The following SCD5 variants were observed in gnomAD, a reference collection of about 807,000 sequenced individuals.
SCD5 encodes acyl-CoA-desaturase 4.
SCD5 carries 20 observed loss-of-function variants against 30.4 expected under a neutral mutation model. The observed-to-expected ratio is 0.66, with a 90% confidence interval of 0.46 to 0.96. The LOEUF (loss-of-function observed/expected upper bound fraction) is 0.96. SCD5 is among the 40% of genes least tolerant of loss of function. The pLI is 0.00. For missense variants in SCD5, 381 were observed against 443.3 expected, an observed-to-expected ratio of 0.86 and a Z score of 1.26; for synonymous variants, 173 against 176.4, an observed-to-expected ratio of 0.98 and a Z score of 0.16.
chr4:82,759,254 C>T (rs1721296168), intron 1 of SCD5, among the ~76,000 whole-genome samples: 1 of 152,206 alleles, frequency 6.6e-6, no homozygotes, highest in African/African-American at 2.4e-5. Flanking sequence ...TGGCGGGATG[C>T]AGGGCCTCAG....
chr4:82,730,475 T>C (rs1720612703), intron 1 of SCD5, among the ~76,000 whole-genome samples: 1 of 150,876 alleles, frequency 6.6e-6, no homozygotes, highest in Non-Finnish European at 1.5e-5. Context: ...TTTTTGTATT[T>C]TTAGTAGAAA....
intron 1 of SCD5, among the ~76,000 whole-genome samples, chr4:82,748,956 G>A (rs1257671262): frequency 6.6e-6 from 1 of 152,226 alleles, no homozygotes; most frequent in African/African-American, 2.4e-5. Flanking sequence ...AGTCTACTGT[G>A]TGGGAGGAAA....
chr4:82,657,137 G>A (rs369026922), intron 3 of SCD5, among the ~76,000 whole-genome samples: 37 of 152,196 alleles, frequency 2.4e-4, no homozygotes, highest in East Asian at 2.3e-3. Flanking sequence ...TTTCATTGCC[G>A]TTGCTTTTGG....
At chr4:82,722,528 C>A (rs949488411) in intron 1 of SCD5, among the ~76,000 whole-genome samples, 3 of 152,146 alleles carry the variant, frequency 2.0e-5, no homozygotes, top group African/African-American at 7.2e-5. Context: ...CTTTGGGAGA[C>A]CAAGGCAGGA....
rs35490627 is a variant in SCD5, at chr4:82,631,125, CAA to C, written c.*200_*201del. The C allele has an allele frequency of 4.9e-4, 203 of 416,834 alleles. 3 individuals are homozygous for C. The highest frequency in any genetic ancestry group is 3.9e-3 in the Middle Eastern group (6 of 1,548). 25.8% of individuals were successfully genotyped at this position (416,834 alleles called of 1,614,324 possible). On this transcript the variant is annotated 3_prime_UTR_variant, in exon 5 of 5. Transcript: ENST00000319540. The stretch of plus-strand genomic sequence containing the variant: ...GACTCTGTCTCAAAAACAAAACAAA[CAA>C]AAAAAAAAACGAAAGTTTTTTCATT...
At chr4:82,793,570 T>C (rs1373158503) in intron 1 of SCD5, among the ~76,000 whole-genome samples, 1 of 152,240 alleles carries the variant, frequency 6.6e-6, no homozygotes, top group Non-Finnish European at 1.5e-5. Context: ...GTGGAATTTA[T>C]TGCGCTGCCG....
In SCD5 at chr4:82,664,997, C is replaced by CTATATA. The variant is rs1434283229; in HGVS notation, c.569+15709_569+15710insTATATA. Among the ~76,000 whole-genome samples, 269 of 79,330 alleles carry CTATATA rather than the reference C, an allele frequency of 3.4e-3. 1 individual carries two copies. Among genetic ancestry groups the CTATATA allele is most frequent in the Middle Eastern group, 0.013 (2 of 160 alleles). 52.0% of individuals were successfully genotyped at this position (79,330 alleles called of 152,430 possible). On this transcript the variant is annotated intron_variant, in intron 3 of 4. Transcript: ENST00000319540. ...TCTCTCTCTCTCTCTCTCTCTCTCT[C>CTATATA]TCTATATATATATATATATATATGT...
intron 3 of SCD5, among the ~76,000 whole-genome samples, chr4:82,664,138 G>A (rs1025406679): frequency 3.9e-5 from 6 of 152,182 alleles, no homozygotes; most frequent in African/African-American, 4.8e-5. Context: ...GCTAAAAGCC[G>A]AGGGTACAGA....
intron 1 of SCD5, among the ~76,000 whole-genome samples, chr4:82,763,711 G>C (rs542060682): frequency 6.6e-6 from 1 of 152,224 alleles, no homozygotes; most frequent in African/African-American, 2.4e-5. Flanking sequence ...AGAGGCTTCC[G>C]AGCAAGCCAG....
rs762032612 is a variant in SCD5 at position 82,798,303 on chromosome 4, T to C, written c.232+3A>G. ...GGGCGCAGGGGGCGCCGGCGGGACT[T>C]ACCCCAGAGCAGAGTGAGTGGCTTG... On this transcript the variant is annotated splice_donor_region_variant and intron_variant, in intron 1 of 4. Coordinates refer to ENST00000319540, the MANE Select transcript of SCD5 (RefSeq NM_001037582.3). The C allele has an allele frequency of 4.7e-5, 74 of 1,572,052 alleles. No homozygotes were observed. The highest frequency in any genetic ancestry group is 6.3e-5 in the Non-Finnish European group (73 of 1,160,686).
At chr4:82,665,108 A>G (rs2135506) in intron 3 of SCD5, among the ~76,000 whole-genome samples, 43,919 of 136,990 alleles carry the variant, frequency 0.32, 8,183 homozygotes, top group African/African-American at 0.46. Context: ...GCATGGTGGT[A>G]TGTGCCTGTA....
chr4:82,631,841 T>TA (rs1294017637), intron 4 of SCD5, among the ~76,000 whole-genome samples: 3 of 152,192 alleles, frequency 2.0e-5, no homozygotes, highest in Non-Finnish European at 2.9e-5. Flanking sequence ...CAACTGTTTT[T>TA]AAAAAATAGT....
At chr4:82,738,474 C>T (rs1210832492) in intron 1 of SCD5, among the ~76,000 whole-genome samples, 3 of 152,106 alleles carry the variant, frequency 2.0e-5, no homozygotes, top group South Asian at 2.1e-4. Flanking sequence ...ATTTTTTTGC[C>T]TATAAGAAAG....
At chr4:82,720,660 G>C (rs1170645124) in intron 1 of SCD5, among the ~76,000 whole-genome samples, 1 of 152,046 alleles carries the variant, frequency 6.6e-6, no homozygotes, top group African/African-American at 2.4e-5. Context: ...ACCCTCTGTA[G>C]GTCCAGGTAC....
intron 1 of SCD5, among the ~76,000 whole-genome samples, chr4:82,772,707 T>C (rs1383941669): frequency 6.6e-6 from 1 of 152,186 alleles, no homozygotes; most frequent in Non-Finnish European, 1.5e-5. Context: ...GAAGCACCTC[T>C]TGTAGGACCC....
At chr4:82,735,306 C>A (rs1020117782) in intron 1 of SCD5, among the ~76,000 whole-genome samples, 2 of 152,118 alleles carry the variant, frequency 1.3e-5, no homozygotes, top group African/African-American at 4.8e-5. Context: ...CGTGTCTACA[C>A]GGTCCAGATC....
intron 1 of SCD5, among the ~76,000 whole-genome samples, chr4:82,778,341 T>C (rs1319442519): frequency 6.6e-6 from 1 of 152,030 alleles, no homozygotes; most frequent in East Asian, 1.9e-4. Context: ...CCAAGGAGGG[T>C]GCTCGTACAC....
At chr4:82,682,738 G>T (rs892944455) in intron 2 of SCD5, among the ~76,000 whole-genome samples, 1 of 152,062 alleles carries the variant, frequency 6.6e-6, no homozygotes, top group Non-Finnish European at 1.5e-5. Flanking sequence ...AGCCTTGACC[G>T]TCTGGGCTCA....
At chr4:82,722,263 T>A (rs1301336146) in intron 1 of SCD5, among the ~76,000 whole-genome samples, 4 of 152,148 alleles carry the variant, frequency 2.6e-5, no homozygotes, top group African/African-American at 7.2e-5. Flanking sequence ...AAGGAATTTT[T>A]ACCCCCAAAA....
Sources: allele counts gnomAD v4.1 joint callset (sites outside exome capture counted in the v4.1 genomes callset), GRCh38; gene constraint gnomAD v4.1.1; transcripts MANE v1.5; gene names NCBI Gene and HGNC (gene_info 2026-07-23, HGNC 2026-07-21).